The following FBXL18 variants were observed in gnomAD, a reference collection of about 807,000 sequenced individuals.
FBXL18 encodes the protein F-box/LRR-repeat protein 18.
Under a neutral mutation model 46.0 loss-of-function variants are expected in FBXL18, and 36 were observed. The observed-to-expected ratio is 0.78, with a 90% CI of 0.60 to 1.03. The LOEUF (loss-of-function observed/expected upper bound fraction) is 1.03. Ranked by LOEUF, FBXL18 falls within the 50% of genes least tolerant of loss-of-function variation. The pLI, the probability that FBXL18 is intolerant of heterozygous loss-of-function variation, is 0.00. For missense variants in FBXL18, 977 were observed against 1,004.1 expected (o/e 0.97, Z 0.36); for synonymous variants, 557 against 465.3 (o/e 1.20, Z -2.54).
At chr7:5,456,274 T>C (rs1446457206) in intron 4 of FBXL18, among the ~76,000 whole-genome samples, 3 of 152,228 alleles carry the variant, frequency 2.0e-5, no homozygotes, top group Non-Finnish European at 4.4e-5. Context: ...CCAGTCAGCC[T>C]GCCCTGGGCT....
At position 5,513,675 on chromosome 7, in the gene FBXL18, G is replaced by C; in HGVS notation, c.-1C>G. Reference sequence around the variant, plus strand: ...ACAGTACCTCTCCGGAGCTGGCCATGTCGCCGGCGGGTCCGAACCGCGGCC... The same window carrying C: ...ACAGTACCTCTCCGGAGCTGGCCATCTCGCCGGCGGGTCCGAACCGCGGCC... On this transcript the variant is annotated 5_prime_UTR_variant, in exon 1 of 5. Transcript: ENST00000382368. The C allele has an allele frequency of 6.2e-7, 1 of 1,608,088 alleles. No homozygotes were observed. The highest frequency in any genetic ancestry group is 8.5e-7 in the Non-Finnish European group (1 of 1,177,480).
intron 4 of FBXL18, among the ~76,000 whole-genome samples, chr7:5,487,796 G>C (rs1783812191): frequency 6.6e-6 from 1 of 151,912 alleles, no homozygotes; most frequent in South Asian, 2.1e-4. Context: ...ATCCCACTCG[G>C]TTGGCAGCAA....
rs1783578944 is a variant in FBXL18, at chr7:5,478,876, G to C, written c.*2899C>G. 1.3e-5 allele frequency: 2 copies of C among 152,290 alleles called. No individual in the cohort carries two copies. The highest frequency in any genetic ancestry group is 3.8e-4 in the East Asian group (2 of 5,206). 9.4% of individuals were successfully genotyped at this position (152,290 alleles called of 1,614,324 possible). On this transcript the variant is annotated 3_prime_UTR_variant, in exon 5 of 5. Transcript: ENST00000382368. ...ACGTGCACGCAGGCACACGCACGCA[G>C]GCACGGGGACAAGTGCTGACCACGC...
At position 5,500,886 on chromosome 7, in the gene FBXL18, G is replaced by A. The variant is rs201998941; in HGVS notation, c.1383C>T (p.Ser461=). The A allele has an allele frequency of 6.3e-7, 1 of 1,595,940 alleles. No homozygotes were observed. The highest frequency in any genetic ancestry group is 1.7e-5 in the Admixed American group (1 of 58,690). ...KVRVGVQSCP[S]PFSGQACPQP... is the part of the protein sequence containing the mutation. ...GGGGGCACGCCTGGCCCGAGAAGGG[G>A]CTGGGACAGGACTGCACGCCCACAC... Residue 461 remains serine (S), a synonymous_variant, in exon 3 of 5, where the codon AGC becomes AGT. Transcript: ENST00000382368.
intron 1 of FBXL18, among the ~76,000 whole-genome samples, chr7:5,513,002 C>T (rs1370264967): frequency 6.6e-6 from 1 of 152,146 alleles, no homozygotes; most frequent in Non-Finnish European, 1.5e-5. Context: ...GGTGCCCATA[C>T]AGATAGGCAG....
intron 1 of FBXL18, among the ~76,000 whole-genome samples, chr7:5,511,697 G>T (rs1305097928): frequency 1.3e-5 from 2 of 150,920 alleles, no homozygotes; most frequent in African/African-American, 4.9e-5. Context: ...GAACCTGAGA[G>T]GTGGAGCTTG....
chr7:5,500,708 C>G lies in FBXL18; in HGVS notation c.1561G>C (p.Asp521His). ...PPCSRAQSVG[D>H]SEVAAIGQLA... ...TGGCCGATGGCGGCCACCTCCGAGT[C>G]CCCGACACTCTGTGCGCGGCTGCAG... The change falls in exon 3 of 5, where the codon GAC becomes CAC. Residue 521 changes from aspartate to histidine, a missense_variant. Transcript: ENST00000382368. 6.2e-7 allele frequency: 1 copy of G among 1,611,316 alleles called. No individual in the cohort carries two copies. Among genetic ancestry groups the G allele is most frequent in the Non-Finnish European group, 8.5e-7 (1 of 1,179,164 alleles).
intron 1 of FBXL18, 114 bp from the exon 2 acceptor site, chr7:5,505,744 T>C (rs2128238422): frequency 1.2e-6 from 1 of 818,954 alleles, no homozygotes; most frequent in East Asian, 2.6e-5. Flanking sequence ...AGAAGGTGTT[T>C]TTACTAAAAC....
rs149095562 is a variant in FBXL18 at position 5,463,070 on chromosome 7, G to C, written c.2001-15227C>G. Among the ~76,000 whole-genome samples the C allele has an allele frequency of 4.2e-3, 589 of 140,502 alleles. 2 individuals are homozygous for C. Among genetic ancestry groups the C allele is most frequent in the African/African-American group, 0.015 (571 of 38,006 alleles). The allele number at this position is 140,502 out of a possible 152,430, so 92.2% of individuals were successfully genotyped here. A position where few individuals can be genotyped will look rare whatever the true frequency, so the allele number is the denominator to read the frequency against. ...GAAGCCCAACCTTATTAACCATCAG[G>C]GAAATACAAATCAAAAGTATCATGA... On this transcript the variant is annotated intron_variant and NMD_transcript_variant, in intron 4 of 6. Coordinates refer to the FBXL18 transcript ENST00000415009.
chr7:5,471,970 C>T (rs1783434398), downstream of FBXL18, among the ~76,000 whole-genome samples: 1 of 152,164 alleles, frequency 6.6e-6, no homozygotes. Context: ...CACCTACAGT[C>T]CCACCTCCTC....
rs780172673 is a variant in FBXL18, at chr7:5,501,355, G to C, written c.914C>G (p.Ser305Cys). 2 of 1,614,000 alleles carry C rather than the reference G, an allele frequency of 1.2e-6. No homozygotes were observed. Among genetic ancestry groups the C allele is most frequent in the African/African-American group, 2.7e-5 (2 of 74,908 alleles). ...GAATTTCATGTGCTGCAGGAGGGAA[G>C]AGCCGTTCAGCCAGGACTTGGGCAG... ...LQLPKSWLNG[S>C]SLLQHMKFNN... The change falls in exon 3 of 5, where the codon TCT becomes TGT. Residue 305 changes from serine (S) to cysteine (C), a missense_variant. Coordinates refer to ENST00000382368, the MANE Select transcript of FBXL18 (RefSeq NM_024963.6).
Position 5,491,226 on chromosome 7 carries a change from C to T in FBXL18, c.2000+5G>A. ...CTGAAGCTGTACGCAACCCACATCA[C>T]TCACCTGCGGAGAAGCGACTGCTGC... On this transcript the variant is annotated splice_donor_5th_base_variant and intron_variant, in intron 4 of 4. Coordinates refer to ENST00000382368, the MANE Select transcript of FBXL18 (RefSeq NM_024963.6). The T allele has an allele frequency of 6.2e-7, 1 of 1,607,812 alleles. No homozygotes were observed. The highest frequency in any genetic ancestry group is 8.5e-7 in the Non-Finnish European group (1 of 1,177,274).
intron 1 of FBXL18, among the ~76,000 whole-genome samples, chr7:5,507,672 A>G (rs544355912): frequency 6.6e-6 from 1 of 151,912 alleles, no homozygotes; most frequent in East Asian, 1.9e-4. Context: ...CGTCTCTACT[A>G]AAAATACAAA....
rs1429627669 is a variant in FBXL18 at position 5,477,242 on chromosome 7, G to T, written c.*4533C>A. ...ACCCCCAAGTGCAAATGAGACCCAT[G>T]ACCATCACAAAGACCCCCCAGCGTC... On this transcript the variant is annotated 3_prime_UTR_variant, in exon 5 of 5. Transcript: ENST00000382368. This position sits in a 1 kb window ranked among gnomAD's most constrained non-coding sequence, Gnocchi z 4.4. Among the ~76,000 whole-genome samples, 1 of 152,104 alleles carries T rather than the reference G, an allele frequency of 6.6e-6. No homozygotes were observed. Among genetic ancestry groups the T allele is most frequent in the African/African-American group, 2.4e-5 (1 of 41,416 alleles).
chr7:5,463,290 T>C (rs1169025401), intron 4 of FBXL18, among the ~76,000 whole-genome samples: 1 of 151,810 alleles, frequency 6.6e-6, no homozygotes, highest in African/African-American at 2.4e-5. Context: ...ACTTCTAGTA[T>C]ATATCCAAGA....
At position 5,483,862 on chromosome 7, in the gene FBXL18, C is replaced by A. The variant is rs140486000; in HGVS notation, c.2001-1931G>T. The stretch of plus-strand genomic sequence containing the variant: ...TTGCCAACACTAAGTCAAGTCCCCC[C>A]GGCCACAGCGGCCACTTAAAGGGAA... On this transcript the variant is annotated intron_variant, in intron 4 of 4. Coordinates refer to ENST00000382368, the MANE Select transcript of FBXL18 (RefSeq NM_024963.6). Among the ~76,000 whole-genome samples the A allele has an allele frequency of 5.0e-3, 764 of 152,308 alleles. 6 individuals are homozygous for A. The highest frequency in any genetic ancestry group is 0.017 in the African/African-American group (727 of 41,558).
chr7:5,473,868 C>T (rs570720116), downstream of FBXL18, among the ~76,000 whole-genome samples: 36 of 152,076 alleles, frequency 2.4e-4, 1 homozygote, highest in African/African-American at 8.4e-4. Context: ...GGCCTTGGCT[C>T]ACTGCAGCCC....
At position 5,462,270 on chromosome 7, in the gene FBXL18, C is replaced by T. The variant is rs149774128; in HGVS notation, c.2001-14427G>A. Among the ~76,000 whole-genome samples the T allele has an allele frequency of 2.3e-3, 348 of 152,182 alleles. 1 individual carries two copies. The highest frequency in any genetic ancestry group is 8.0e-3 in the African/African-American group (332 of 41,522). On this transcript the variant is annotated intron_variant and NMD_transcript_variant, in intron 4 of 6. Coordinates refer to the FBXL18 transcript ENST00000415009. ...AAGAAACAAAATCCTCACAGAACGC[C>T]GTGAGGTGGGCCCATCCATCATTAT...
In FBXL18 at chr7:5,481,631, C is replaced by T. The variant is rs549994437; in HGVS notation, c.*144G>A. ...AGTCCCCATGAGAGAGCCGTGGAGA[C>T]GCCGGGAGCCCCAGGAGCCAGGTGG... On this transcript the variant is annotated 3_prime_UTR_variant, in exon 5 of 5. Transcript: ENST00000382368. 712 of 817,386 alleles carry T rather than the reference C, an allele frequency of 8.7e-4. 8 individuals are homozygous for T. In the African/African-American group the frequency reaches 9.7e-3, roughly 11 times the overall value. The allele number at this position is 817,386 out of a possible 1,614,324, so 50.6% of individuals were successfully genotyped here.
Sources: gnomAD v4.1 joint callset for allele counts (sites outside exome capture counted in the v4.1 genomes callset) on GRCh38, gnomAD v4.1.1 for gene constraint, Gnocchi (gnomAD v3.1) non-coding constraint, MANE v1.5 for transcripts, NCBI Gene and HGNC (gene_info 2026-07-23, HGNC 2026-07-21) for gene names.